Variants in SLC22A13 observed in about 807,000 individuals in gnomAD.
SLC22A13 encodes solute carrier family 22 member 13.
In SLC22A13, 42 loss-of-function variants were observed where a neutral mutation model predicts 49.1. That is an observed-to-expected ratio of 0.85 (90% CI 0.67 to 1.11). The LOEUF (loss-of-function observed/expected upper bound fraction) is 1.11. Among genes scored for constraint, SLC22A13 ranks in the 50% least tolerant of loss-of-function variants. The pLI is 0.00. For synonymous variants in SLC22A13, 282 were observed against 293.1 expected (o/e 0.96, Z 0.39); for missense variants, 694 against 712.8 (o/e 0.97, Z 0.30).
chr3:38,274,436 A>C (rs1703553433), intron 2 of SLC22A13, 61 bp downstream of exon 2: 1 of 1,499,160 alleles, frequency 6.7e-7, no homozygotes, highest in African/African-American at 1.4e-5. Flanking sequence ...GCACAGGCCC[A>C]AGTCCCCCTT....
chr3:38,270,256 T>C (rs1484598863), intron 1 of SLC22A13: 3 of 163,066 alleles, frequency 1.8e-5, no homozygotes, highest in East Asian at 1.7e-4. Context: ...CTGGGTCGAA[T>C]GGTGTTTCTA....
chr3:38,265,930 C>T lies in SLC22A13; in HGVS notation c.70C>T (p.Leu24=). The T allele has an allele frequency of 6.2e-7, 1 of 1,613,982 alleles. No homozygotes were observed. The highest frequency in any genetic ancestry group is 8.5e-7 in the Non-Finnish European group (1 of 1,179,848). ...TCGCTTCCAGATACAGCTATTGATC[C>T]TGCTGTGTGTTCTCAACTTCCTGTC... The part of the protein sequence containing the change: ...FGRFQIQLLI[L]LCVLNFLSPF... The change falls in exon 1 of 10, where the codon CTG becomes TTG. Residue 24 remains leucine (L), a synonymous_variant. Transcript: ENST00000311856.
Position 38,275,394 on chromosome 3 carries a change from G to T in SLC22A13, c.831G>T (p.Trp277Cys). The change falls in exon 5 of 10, where the codon TGG becomes TGT. Residue 277 changes from tryptophan (W) to cysteine (C), a missense_variant. By Grantham distance (215) the Trp-to-Cys change is radical. Coordinates refer to ENST00000311856, the MANE Select transcript of SLC22A13 (RefSeq NM_004256.4). The stretch of plus-strand genomic sequence containing the variant: ...GGGCTCTGCCAGAATCTGCACGTTG[G>T]CTCCTGACCCGTGGGAGGATGGACG... ...YFWALPESAR[W>C]LLTRGRMDEA... 2.5e-6 allele frequency: 4 copies of T among 1,614,184 alleles called. No individual in the cohort carries two copies. Among genetic ancestry groups the T allele is most frequent in the Non-Finnish European group, 3.4e-6 (4 of 1,180,024 alleles).
In SLC22A13 at chr3:38,274,281, G is replaced by T. The variant is rs200104021; in HGVS notation, c.388G>T (p.Val130Phe). ...CCTGTGTCTCCCTCAGTTCAACCTG[G>T]TTTGTGATCGGAAGCACCTGAAGGA... The part of the protein sequence containing the change: ...LPSLKNEFNL[V>F]CDRKHLKDTT... Residue 130 changes from valine (V) to phenylalanine (F), a missense_variant, in exon 2 of 10, where the codon GTT becomes TTT. Coordinates refer to ENST00000311856, the MANE Select transcript of SLC22A13 (RefSeq NM_004256.4). The T allele has an allele frequency of 2.3e-5, 37 of 1,613,872 alleles. 1 individual carries two copies. The highest frequency in any genetic ancestry group is 3.3e-4 in the Middle Eastern group (2 of 6,062).
intron 1 of SLC22A13, among the ~76,000 whole-genome samples, chr3:38,268,988 C>G (rs1452040378): frequency 6.6e-6 from 1 of 152,172 alleles, no homozygotes; most frequent in African/African-American, 2.4e-5. Context: ...ATTAAGATGT[C>G]CCATGTTACT....
rs1703552082 is a variant in SLC22A13 at position 38,274,341 on chromosome 3, G to T, written c.448G>T (p.Val150Phe). The T allele has an allele frequency of 1.2e-6, 2 of 1,614,064 alleles. No homozygotes were observed. The highest frequency in any genetic ancestry group is 1.7e-6 in the Non-Finnish European group (2 of 1,180,036). The change falls in exon 2 of 10, where the codon GTT becomes TTT. Residue 150 changes from valine to phenylalanine, a missense_variant. Physicochemically the swap from Val to Phe is conservative, Grantham distance 50 (BLOSUM62 -1). Coordinates refer to ENST00000311856, the MANE Select transcript of SLC22A13 (RefSeq NM_004256.4). The stretch of plus-strand genomic sequence containing the variant: ...GTCAGTGTTCATGGCTGGGCTCCTT[G>T]TTGGCACCCTCATGTTTGGGCCCCT... ...TQSVFMAGLL[V>F]GTLMFGPLCD... is the part of the protein sequence containing the mutation.
intron 4 of SLC22A13, 77 bp downstream of exon 4, chr3:38,275,234 T>C: frequency 6.3e-7 from 1 of 1,593,132 alleles, no homozygotes; most frequent in East Asian, 2.2e-5. Flanking sequence ...AGCACCCATG[T>C]TCATAGGACA....
intron 1 of SLC22A13, 122 bp downstream of exon 1, chr3:38,266,360 A>C (rs934931849): frequency 1.7e-6 from 2 of 1,151,680 alleles, no homozygotes; most frequent in African/African-American, 3.1e-5. Flanking sequence ...AACCATGGGC[A>C]CATATGTTTT....
intron 4 of SLC22A13, 43 bp from the exon 5 acceptor site, chr3:38,275,327 T>A: frequency 6.2e-7 from 1 of 1,612,406 alleles, no homozygotes; most frequent in Non-Finnish European, 8.5e-7. Context: ...GAAAGCTCCC[T>A]AGGACTCCAG....
intron 2 of SLC22A13, 114 bp from the exon 3 acceptor site, chr3:38,274,490 C>A: frequency 6.9e-7 from 1 of 1,444,486 alleles, no homozygotes; most frequent in Non-Finnish European, 9.7e-7. Context: ...CTTCCCCCTA[C>A]CCTCAAATGG....
intron 1 of SLC22A13, among the ~76,000 whole-genome samples, chr3:38,272,600 A>G (rs991946017): frequency 2.6e-5 from 4 of 152,206 alleles, no homozygotes; most frequent in African/African-American, 7.2e-5. Context: ...GACAAAAACC[A>G]AACAGGATAG....
At position 38,276,810 on chromosome 3, in the gene SLC22A13, C is replaced by A. The variant is rs1347493298; in HGVS notation, c.1347-102C>A. 5.9e-6 allele frequency: 6 copies of A among 1,018,324 alleles called. No individual in the cohort carries two copies. The South Asian group carries it at 9.2e-5, about 16-fold the overall frequency. The allele number at this position is 1,018,324 out of a possible 1,614,324, so 63.1% of individuals were successfully genotyped here. A position where few individuals can be genotyped will look rare whatever the true frequency, so the allele number is the denominator to read the frequency against. ...GGGCTGGGTGAGGCTGGAGACCCTG[C>A]AGACCTTTGAGGTCTGGACTCTCCC... On this transcript the variant is annotated intron_variant, in intron 8 of 9. Coordinates refer to ENST00000311856, the MANE Select transcript of SLC22A13 (RefSeq NM_004256.4).
At chr3:38,272,161 C>T (rs996631778) in intron 1 of SLC22A13, among the ~76,000 whole-genome samples, 1 of 152,216 alleles carries the variant, frequency 6.6e-6, no homozygotes, top group Admixed American at 6.5e-5. Flanking sequence ...GGTATATAAA[C>T]TGAAGAGAGG....
In SLC22A13 at chr3:38,274,716, G is replaced by A. The variant is rs756470256; in HGVS notation, c.595G>A (p.Ala199Thr). 1.3e-5 allele frequency: 21 copies of A among 1,614,180 alleles called. No individual in the cohort carries two copies. The South Asian group carries it at 2.3e-4, about 18-fold the overall frequency. The stretch of plus-strand genomic sequence containing the variant: ...CTACATGGCCCTGCGCTTTGCTGTG[G>A]CTACTGCCGTCGCTGGACTTAGCTT... ...ELYMALRFAV[A>T]TAVAGLSFSN... The change falls in exon 3 of 10, where the codon GCT (alanine) becomes ACT (threonine). Residue 199 changes from alanine to threonine, a missense_variant. Physicochemically the swap from Ala to Thr is moderately conservative, Grantham distance 58. Transcript: ENST00000311856.
chr3:38,271,568 A>T (rs1034139948), intron 1 of SLC22A13, among the ~76,000 whole-genome samples: 1 of 146,828 alleles, frequency 6.8e-6, no homozygotes, highest in African/African-American at 2.6e-5. Flanking sequence ...AAAAAAAAAA[A>T]ATGACTCCCC....
Position 38,277,604 on chromosome 3 carries a change from G to GTCACCTCC in SLC22A13, c.*141_*148dup. The GTCACCTCC allele has an allele frequency of 1.7e-6, 1 of 598,226 alleles. No individual in the cohort carries two copies. The allele number at this position is 598,226 out of a possible 1,614,324, so 37.1% of individuals were successfully genotyped here. A position where few individuals can be genotyped will look rare whatever the true frequency, so the allele number is the denominator to read the frequency against. ...GGACACCACAATCTGGCCCATGGCT[G>GTCACCTCC]TCACCTCCTGCCGAGTCCAATCCCA... is the stretch of plus-strand genomic sequence containing the variant. On this transcript the variant is annotated 3_prime_UTR_variant, in exon 10 of 10. Coordinates refer to ENST00000311856, the MANE Select transcript of SLC22A13 (RefSeq NM_004256.4).
chr3:38,277,644 AT>A lies in SLC22A13; in HGVS notation c.*180del. 1.9e-6 allele frequency: 1 copy of A among 536,192 alleles called. No homozygotes were observed. Among genetic ancestry groups the A allele is most frequent in the Admixed American group, 3.3e-5 (1 of 30,494 alleles). The allele number at this position is 536,192 out of a possible 1,614,324, so 33.2% of individuals were successfully genotyped here. A position where few individuals can be genotyped will look rare whatever the true frequency, so the allele number is the denominator to read the frequency against. ...GTCCAATCCCAGACTGGGAACCACC[AT>A]CTGAGACAGGACCTCCCGGCCTCCT... is the stretch of plus-strand genomic sequence containing the variant. On this transcript the variant is annotated 3_prime_UTR_variant, in exon 10 of 10. Transcript: ENST00000311856.
chr3:38,268,355 T>C (rs923226473), intron 1 of SLC22A13, among the ~76,000 whole-genome samples: 3 of 152,224 alleles, frequency 2.0e-5, no homozygotes, highest in Non-Finnish European at 4.4e-5. Context: ...AGCTCCTCGA[T>C]GAAGCAGACC....
intron 2 of SLC22A13, 108 bp downstream of exon 2, chr3:38,274,483 C>CCCCCTA (rs953685106): frequency 4.1e-5 from 59 of 1,438,368 alleles, no homozygotes; most frequent in South Asian, 8.2e-5. Flanking sequence ...AGGCCCTCTT[C>CCCCCTA]CCCCTACCCT....
Sources: gnomAD v4.1 joint callset for allele counts (sites outside exome capture counted in the v4.1 genomes callset) on GRCh38, gnomAD v4.1.1 for gene constraint, MANE v1.5 for transcripts, NCBI Gene and HGNC (gene_info 2026-07-23, HGNC 2026-07-21) for gene names.